The following CSMD3 variants were observed in gnomAD, a reference collection of about 807,000 sequenced individuals.
CSMD3 encodes CUB and sushi domain-containing protein 3.
Under a neutral mutation model 435.2 loss-of-function variants are expected in CSMD3, and 177 were observed. The ratio of observed to expected loss-of-function variants is 0.41; its 90% confidence interval spans 0.36 to 0.46. The LOEUF (loss-of-function observed/expected upper bound fraction) is 0.46. Among genes scored for constraint, CSMD3 ranks in the 20% least tolerant of loss-of-function variants. The pLI is 0.34. For synonymous variants in CSMD3, 1,656 were observed against 1,520.5 expected (o/e 1.09, Z -2.07); for missense variants, 4,265 against 4,504.6 (o/e 0.95, Z 1.52).
chr8:113,169,063 T>A (rs1160847280), intron 4 of CSMD3, among the ~76,000 whole-genome samples: 1 of 152,186 alleles, frequency 6.6e-6, no homozygotes, highest in Non-Finnish European at 1.5e-5. Flanking sequence ...CTATTGTCTT[T>A]TATTGCTCAG....
At chr8:112,690,547 A>G (rs1025748274) in intron 13 of CSMD3, among the ~76,000 whole-genome samples, 5 of 150,648 alleles carry the variant, frequency 3.3e-5, no homozygotes, top group East Asian at 3.9e-4. Context: ...GATCTCTTCC[A>G]CACTCTGGTA....
chr8:113,250,642 C>G (rs2093326642), intron 3 of CSMD3, among the ~76,000 whole-genome samples: 1 of 152,040 alleles, frequency 6.6e-6, no homozygotes, highest in African/African-American at 2.4e-5. Flanking sequence ...AACAGACAAT[C>G]TTGTGTCTGA....
rs547434076 is a variant in CSMD3, at chr8:112,927,807, G to A, written c.1509-6056C>T. Among the ~76,000 whole-genome samples, 74 of 152,028 alleles carry A rather than the reference G, an allele frequency of 4.9e-4. No homozygotes were observed. In the South Asian group the frequency reaches 0.014, roughly 29 times the overall value. The stretch of plus-strand genomic sequence containing the variant: ...TGTCATCCAAACCAAGACTATGTCC[G>A]ATACAAAGAGAATTCAATTCAGCAT... On this transcript the variant is annotated intron_variant, in intron 9 of 70. Transcript: ENST00000297405.
intron 13 of CSMD3, among the ~76,000 whole-genome samples, chr8:112,751,440 A>G (rs2077567801): frequency 6.6e-6 from 1 of 152,174 alleles, no homozygotes; most frequent in African/African-American, 2.4e-5. Flanking sequence ...AATACTTATA[A>G]GAATAAATAC....
At chr8:112,477,809 A>AC in intron 31 of CSMD3, among the ~76,000 whole-genome samples, 1 of 152,318 alleles carries the variant, frequency 6.6e-6, no homozygotes, top group East Asian at 1.9e-4. Flanking sequence ...TTATAGTAAT[A>AC]CAAACAGACT....
In CSMD3 at chr8:113,377,126, C is replaced by T. The variant is rs115683954; in HGVS notation, c.178+59551G>A. On this transcript the variant is annotated intron_variant, in intron 1 of 70. Transcript: ENST00000297405. ...AAGGGCTGCGGCGTCGTCCGGCTCTCCGGTCCTCCAAAGGGCCGAGGGGTG... is the reference window on the plus strand; with the variant it reads ...AAGGGCTGCGGCGTCGTCCGGCTCTTCGGTCCTCCAAAGGGCCGAGGGGTG... The T allele has an allele frequency of 6.3e-4, 798 of 1,259,856 alleles. 3 individuals carry two copies. In the African/African-American group the frequency reaches 0.011, roughly 17 times the overall value. The allele number at this position is 1,259,856 out of a possible 1,614,324, so 78.0% of individuals were successfully genotyped here.
intron 32 of CSMD3, among the ~76,000 whole-genome samples, chr8:112,445,410 C>T (rs1010861741): frequency 6.6e-6 from 1 of 152,150 alleles, no homozygotes; most frequent in Non-Finnish European, 1.5e-5. Context: ...GCGCTGGCAT[C>T]TGCTTCTGGT....
Position 112,568,957 on chromosome 8 carries a change from G to A in CSMD3, c.4042+4544C>T, listed in dbSNP as rs553311433. Among the ~76,000 whole-genome samples the A allele has an allele frequency of 1.4e-4, 22 of 152,102 alleles. No individual in the cohort carries two copies. The East Asian group carries it at 3.5e-3, about 24-fold the overall frequency. ...ATTTTGTTCCCAGCTATAATCTAAC[G>A]ATATACAGCAGTGAATCATGATGGT... is the stretch of plus-strand genomic sequence containing the variant. On this transcript the variant is annotated intron_variant, in intron 24 of 70. Transcript: ENST00000297405.
intron 18 of CSMD3, among the ~76,000 whole-genome samples, chr8:112,655,342 GATTA>G (rs1356943343): frequency 3.7e-4 from 56 of 152,110 alleles, no homozygotes; most frequent in African/African-American, 1.3e-3. Context: ...TGTGTTGTTA[GATTA>G]ATTTATCAAA....
intron 24 of CSMD3, among the ~76,000 whole-genome samples, chr8:112,566,058 C>A (rs1424068769): frequency 2.9e-5 from 4 of 139,632 alleles, no homozygotes; most frequent in Non-Finnish European, 6.2e-5. Flanking sequence ...TTTTTTTACT[C>A]TTACCTGGAC....
chr8:113,171,390 A>T (rs1195033032), intron 4 of CSMD3, among the ~76,000 whole-genome samples: 2 of 152,136 alleles, frequency 1.3e-5, no homozygotes, highest in Non-Finnish European at 2.9e-5. Flanking sequence ...TATTGTCTGA[A>T]TTGAGATGAA....
chr8:112,322,664 T>C (rs1823109620), intron 45 of CSMD3, among the ~76,000 whole-genome samples: 1 of 152,082 alleles, frequency 6.6e-6, no homozygotes, highest in Non-Finnish European at 1.5e-5. Flanking sequence ...AATTCTATAT[T>C]GCCAGGCTAA....
chr8:112,426,743 A>G (rs1329123120), intron 32 of CSMD3, among the ~76,000 whole-genome samples: 2 of 152,142 alleles, frequency 1.3e-5, no homozygotes, highest in African/African-American at 4.8e-5. Context: ...TCTGACTTAC[A>G]TATATTTTTC....
At position 112,492,689 on chromosome 8, in the gene CSMD3, A is replaced by T. The variant is rs2130854882; in HGVS notation, c.5084-6T>A. Reference sequence around the variant, plus strand: ...GCAGGACTCTCGCAGTTTTGCTGTAAAACAGTGTTAGTATAACATTAATTG... The same window carrying T: ...GCAGGACTCTCGCAGTTTTGCTGTATAACAGTGTTAGTATAACATTAATTG... On this transcript the variant is annotated splice_region_variant and splice_polypyrimidine_tract_variant and intron_variant, in intron 30 of 70. Coordinates refer to ENST00000297405, the MANE Select transcript of CSMD3 (RefSeq NM_198123.2). 6.2e-7 allele frequency: 1 copy of T among 1,611,360 alleles called. No homozygotes were observed. The highest frequency in any genetic ancestry group is 8.5e-7 in the Non-Finnish European group (1 of 1,177,534).
chr8:112,901,858 A>G (rs1381820759), intron 10 of CSMD3, among the ~76,000 whole-genome samples: 1 of 151,348 alleles, frequency 6.6e-6, no homozygotes, highest in East Asian at 2.0e-4. Flanking sequence ...TCTCAAATCA[A>G]ATTGATGGGG....
intron 5 of CSMD3, among the ~76,000 whole-genome samples, chr8:113,090,177 G>A (rs754667190): frequency 9.9e-5 from 15 of 151,902 alleles, no homozygotes; most frequent in African/African-American, 1.5e-4. Flanking sequence ...TAAAATATTT[G>A]CCTGTAAGCA....
chr8:113,373,828 T>C (rs1218903713), intron 1 of CSMD3, among the ~76,000 whole-genome samples: 1 of 152,138 alleles, frequency 6.6e-6, no homozygotes. Context: ...TGCACTATGA[T>C]ATATTGTTCC....
At chr8:112,467,254 T>TA in intron 32 of CSMD3, among the ~76,000 whole-genome samples, 1 of 152,320 alleles carries the variant, frequency 6.6e-6, no homozygotes, top group East Asian at 1.9e-4. Context: ...GTAAGGTTTT[T>TA]ATGCCCATTT....
intron 28 of CSMD3, among the ~76,000 whole-genome samples, chr8:112,513,922 G>C (rs899346929): frequency 5.9e-5 from 9 of 152,132 alleles, no homozygotes; most frequent in East Asian, 1.9e-4. Context: ...AAACAGTATA[G>C]AGATGCATAC....
Sources: gnomAD v4.1 joint callset for allele counts (sites outside exome capture counted in the v4.1 genomes callset) on GRCh38, gnomAD v4.1.1 for gene constraint, MANE v1.5 for transcripts, NCBI Gene and HGNC (gene_info 2026-07-23, HGNC 2026-07-21) for gene names.